The following XKR4 variants were observed in gnomAD, a reference collection of about 807,000 sequenced individuals.
The protein encoded by XKR4 is XK related 4, also known as XK-related protein 4.
Under a neutral mutation model 53.9 loss-of-function variants are expected in XKR4, and 12 were observed. The observed-to-expected ratio is 0.22, with a 90% CI of 0.14 to 0.36. XKR4 has a LOEUF of 0.36. XKR4 is among the 10% of genes least tolerant of loss of function. The probability of loss-of-function intolerance (pLI) is 1.00; values close to 1 mark genes in which losing one functional copy is unlikely to be tolerated. For missense variants in XKR4, 799 were observed against 859.5 expected, an observed-to-expected ratio of 0.93 and a Z score of 0.88; for synonymous variants, 354 against 362.4, an observed-to-expected ratio of 0.98 and a Z score of 0.26.
rs998931675 is a variant in XKR4, at chr8:55,530,016, A to G, written c.*5789A>G. 1.3e-5 allele frequency: 2 copies of G among 152,112 alleles called. No homozygotes were observed. Among genetic ancestry groups the G allele is most frequent in the Non-Finnish European group, 2.9e-5 (2 of 68,036 alleles). The allele number at this position is 152,112 out of a possible 1,614,324, so 9.4% of individuals were successfully genotyped here. A position where few individuals can be genotyped will look rare whatever the true frequency, so the allele number is the denominator to read the frequency against. Reference sequence around the variant, plus strand: ...CCTGATGCCATGTCTCTTGTATTTTATATGTGTATGCTGTTTTCATCCAAT... The same window carrying G: ...CCTGATGCCATGTCTCTTGTATTTTGTATGTGTATGCTGTTTTCATCCAAT... On this transcript the variant is annotated 3_prime_UTR_variant, in exon 3 of 3. Transcript: ENST00000327381.
chr8:55,353,832 G>C (rs549163082), intron 1 of XKR4, among the ~76,000 whole-genome samples: 1 of 152,150 alleles, frequency 6.6e-6, no homozygotes, highest in Non-Finnish European at 1.5e-5. Context: ...GCCGTGCAGC[G>C]GTGGGAGAAA....
chr8:55,211,246 C>T (rs1817725409), intron 1 of XKR4, among the ~76,000 whole-genome samples: 3 of 152,196 alleles, frequency 2.0e-5, no homozygotes, highest in Non-Finnish European at 2.9e-5. Context: ...ATTCAAATAT[C>T]ATTTATAGTA....
chr8:55,181,696 GA>G (rs1817312867), intron 1 of XKR4, among the ~76,000 whole-genome samples: 1 of 152,056 alleles, frequency 6.6e-6, no homozygotes, highest in Admixed American at 6.6e-5. Flanking sequence ...TAGAGGAAAG[GA>G]AAAAGGTGAA....
intron 2 of XKR4, among the ~76,000 whole-genome samples, chr8:55,402,255 C>A (rs1243165520): frequency 6.6e-6 from 1 of 152,204 alleles, no homozygotes; most frequent in Non-Finnish European, 1.5e-5. Context: ...CCTGCCCCTG[C>A]GTGGAGGATA....
chr8:55,276,904 T>C (rs1585982068), intron 1 of XKR4, among the ~76,000 whole-genome samples: 1 of 152,204 alleles, frequency 6.6e-6, no homozygotes, highest in East Asian at 1.9e-4. Context: ...AACGAAAAGA[T>C]AAATTCAATT....
At chr8:55,135,340 A>G in intron 1 of XKR4, 1 of 213,348 alleles carries the variant, frequency 4.7e-6, no homozygotes, top group Admixed American at 4.7e-5. Flanking sequence ...TAAAGCCTAC[A>G]CTCTTTAACC....
chr8:55,217,745 GAT>G, intron 1 of XKR4, among the ~76,000 whole-genome samples: 1 of 58,166 alleles, frequency 1.7e-5, no homozygotes, highest in Non-Finnish European at 6.4e-5. Flanking sequence ...AGATTAGATA[GAT>G]AGATAGATAG....
rs1287151837 is a variant in XKR4, at chr8:55,537,824, C to T, written c.*13597C>T. On this transcript the variant is annotated 3_prime_UTR_variant, in exon 3 of 3. Coordinates refer to ENST00000327381, the MANE Select transcript of XKR4 (RefSeq NM_052898.2). ...TCCTATCGCAGATGTGTGTACCAGCCCAATTCAGTTTTGCTTTTCTTTTTC... is the reference window on the plus strand; with the variant it reads ...TCCTATCGCAGATGTGTGTACCAGCTCAATTCAGTTTTGCTTTTCTTTTTC... 1.3e-5 allele frequency: 2 copies of T among 152,154 alleles called. No individual in the cohort carries two copies. Among genetic ancestry groups the T allele is most frequent in the African/African-American group, 2.4e-5 (1 of 41,424 alleles). The allele number at this position is 152,154 out of a possible 1,614,324, so 9.4% of individuals were successfully genotyped here.
In XKR4 at chr8:55,337,649, C is replaced by A. The variant is rs1447248656; in HGVS notation, c.807-20029C>A. Among the ~76,000 whole-genome samples the A allele has an allele frequency of 6.6e-5, 10 of 152,116 alleles. No homozygotes were observed. The East Asian group carries it at 1.9e-3, about 29-fold the overall frequency. ...AGGGAAACGATGAAAGAATTGTATGCAGTGGCAGGGGCAATGGTAAGATAA... is the reference window on the plus strand; with the variant it reads ...AGGGAAACGATGAAAGAATTGTATGAAGTGGCAGGGGCAATGGTAAGATAA... On this transcript the variant is annotated intron_variant, in intron 1 of 2. Transcript: ENST00000327381.
At chr8:55,136,772 T>C (rs1175904492) in intron 1 of XKR4, among the ~76,000 whole-genome samples, 1 of 152,256 alleles carries the variant, frequency 6.6e-6, no homozygotes, top group Non-Finnish European at 1.5e-5. Context: ...TGAGAAAGTC[T>C]GTTAAATCAT....
At chr8:55,302,754 A>C (rs2129377097) in intron 1 of XKR4, among the ~76,000 whole-genome samples, 1 of 152,240 alleles carries the variant, frequency 6.6e-6, no homozygotes, top group Non-Finnish European at 1.5e-5. Context: ...TTCTCTTTGA[A>C]GCAATTGTGA....
Position 55,103,202 on chromosome 8 carries a change from G to T in XKR4, c.714G>T (p.Arg238=), listed in dbSNP as rs1242142965. Residue 238 remains arginine (R), a synonymous_variant, in exon 1 of 3, where the codon CGG becomes CGT. Transcript: ENST00000327381. ...NSGSNSSGAT[R]ASGKHRSASC... Reference sequence around the variant, plus strand: ...GCAGCAACAGCAGCGGGGCTACCCGGGCCAGTGGCAAGCACAGGTCTGCGT... The same window carrying T: ...GCAGCAACAGCAGCGGGGCTACCCGTGCCAGTGGCAAGCACAGGTCTGCGT... 1 of 1,613,936 alleles carries T rather than the reference G, an allele frequency of 6.2e-7. No individual in the cohort carries two copies. Among genetic ancestry groups the T allele is most frequent in the African/African-American group, 1.3e-5 (1 of 74,918 alleles).
chr8:55,460,662 T>A (rs375929262), intron 2 of XKR4, among the ~76,000 whole-genome samples: 183 of 152,186 alleles, frequency 1.2e-3, no homozygotes, highest in African/African-American at 4.0e-3. Context: ...GCACCAAGCA[T>A]GAGCCGAAGC....
At chr8:55,136,553 C>A (rs1816633636) in intron 1 of XKR4, among the ~76,000 whole-genome samples, 1 of 152,166 alleles carries the variant, frequency 6.6e-6, no homozygotes. Context: ...GTCTAAATGC[C>A]TTTAATGACT....
At chr8:55,105,509 A>G (rs2129350407) in intron 1 of XKR4, among the ~76,000 whole-genome samples, 1 of 152,316 alleles carries the variant, frequency 6.6e-6, no homozygotes, top group East Asian at 1.9e-4. Context: ...TATTTTCCTT[A>G]GAGGCTTTAA....
rs142159546 is a variant in XKR4 at position 55,449,739 on chromosome 8, A to G, written c.1007-73542A>G. The G allele has an allele frequency of 1.5e-4, 147 of 952,950 alleles. No individual in the cohort carries two copies. The African/African-American group carries it at 1.9e-3, about 12-fold the overall frequency. 59.0% of individuals were successfully genotyped at this position (952,950 alleles called of 1,614,324 possible). Reference sequence around the variant, plus strand: ...TCAGTGTCCACACGGTGGTCGTAGTAGCGTAGCTGGTGCTTGGTCTTGTCT... The same window carrying G: ...TCAGTGTCCACACGGTGGTCGTAGTGGCGTAGCTGGTGCTTGGTCTTGTCT... On this transcript the variant is annotated intron_variant, in intron 2 of 2. Coordinates refer to ENST00000327381, the MANE Select transcript of XKR4 (RefSeq NM_052898.2).
chr8:55,341,736 A>C (rs909192514), intron 1 of XKR4, among the ~76,000 whole-genome samples: 8 of 152,200 alleles, frequency 5.3e-5, no homozygotes, highest in Non-Finnish European at 4.4e-5. Flanking sequence ...CCGGCTTTCA[A>C]ACTCTTGGCC....
chr8:55,359,873 T>G (rs2129384586), intron 2 of XKR4, among the ~76,000 whole-genome samples: 1 of 151,936 alleles, frequency 6.6e-6, no homozygotes, highest in South Asian at 2.1e-4. Flanking sequence ...GAACCAAGAG[T>G]TAAGTTGCGT....
chr8:55,170,899 A>G (rs79865516), intron 1 of XKR4, among the ~76,000 whole-genome samples: 4,351 of 152,200 alleles, frequency 0.029, 166 homozygotes, highest in East Asian at 0.12. Context: ...CCAACCTCAG[A>G]AGGTCAAAGT....
Sources: gnomAD v4.1 joint callset for allele counts (sites outside exome capture counted in the v4.1 genomes callset) on GRCh38, gnomAD v4.1.1 for gene constraint, MANE v1.5 for transcripts, NCBI Gene and HGNC (gene_info 2026-07-23, HGNC 2026-07-21) for gene names.